The following ZNF704 variants were observed in gnomAD, a reference collection of about 807,000 sequenced individuals.
The protein encoded by ZNF704 is glucocorticoid induced gene 1.
In ZNF704, 10 loss-of-function variants were observed where a neutral mutation model predicts 44.7. The observed-to-expected ratio is 0.22, with a 90% CI of 0.14 to 0.38. The LOEUF (loss-of-function observed/expected upper bound fraction) is 0.38. Among genes scored for constraint, ZNF704 ranks in the 10% least tolerant of loss-of-function variants. ZNF704 has a pLI of 1.00. For synonymous variants in ZNF704, 211 were observed against 207.6 expected, an observed-to-expected ratio of 1.02 and a Z score of -0.14; for missense variants, 390 against 545.5, an observed-to-expected ratio of 0.71 and a Z score of 2.84.
intron 7 of ZNF704, among the ~76,000 whole-genome samples, chr8:80,655,472 T>C (rs951683804): frequency 6.6e-6 from 1 of 152,082 alleles, no homozygotes; most frequent in African/African-American, 2.4e-5. Context: ...CAATCCTAAA[T>C]AGGGAGGAGC....
intron 2 of ZNF704, among the ~76,000 whole-genome samples, 154 bp from the exon 3 acceptor site, chr8:80,693,261 G>A (rs1818670158): frequency 6.6e-6 from 1 of 152,186 alleles, no homozygotes; most frequent in African/African-American, 2.4e-5. Context: ...GGAAGCTGAA[G>A]CCCATGAAGT....
chr8:80,732,940 T>G (rs1585988303), intron 2 of ZNF704, among the ~76,000 whole-genome samples: 1 of 118,478 alleles, frequency 8.4e-6, no homozygotes, highest in Non-Finnish European at 1.6e-5. Flanking sequence ...GGTGACAGAG[T>G]GAGACCTTGC....
chr8:80,869,650 A>G (rs1809216892), intron 1 of ZNF704, among the ~76,000 whole-genome samples: 1 of 152,152 alleles, frequency 6.6e-6, no homozygotes, highest in African/African-American at 2.4e-5. Context: ...TCCTCCCTAA[A>G]TGACCCCTCA....
chr8:80,741,859 T>C (rs1431892105), intron 2 of ZNF704, among the ~76,000 whole-genome samples: 2 of 152,122 alleles, frequency 1.3e-5, no homozygotes, highest in African/African-American at 2.4e-5. Flanking sequence ...TCAGTGATAA[T>C]AGAATACTTG....
intron 2 of ZNF704, among the ~76,000 whole-genome samples, chr8:80,788,892 T>C (rs149970024): frequency 6.6e-6 from 1 of 152,324 alleles, no homozygotes; most frequent in Middle Eastern, 3.4e-3. Flanking sequence ...AAAACAACTA[T>C]GTACTAACCA....
chr8:80,848,807 A>G (rs963961295), intron 1 of ZNF704, among the ~76,000 whole-genome samples: 1 of 145,308 alleles, frequency 6.9e-6, no homozygotes, highest in Non-Finnish European at 1.5e-5. Context: ...AGAAAAGGTT[A>G]AAAAAAAAAG....
At chr8:80,871,846 T>C (rs1809257776) in intron 1 of ZNF704, among the ~76,000 whole-genome samples, 1 of 152,250 alleles carries the variant, frequency 6.6e-6, no homozygotes, top group South Asian at 2.1e-4. Flanking sequence ...ACATTCTGTG[T>C]AAATTTCTGA....
chr8:80,761,397 A>G (rs982719280), intron 2 of ZNF704, among the ~76,000 whole-genome samples: 37 of 152,222 alleles, frequency 2.4e-4, no homozygotes, highest in African/African-American at 8.4e-4. Context: ...AACTGGCACT[A>G]AAAATTCTAA....
At chr8:80,705,640 G>C (rs1818884712) in intron 2 of ZNF704, among the ~76,000 whole-genome samples, 1 of 152,056 alleles carries the variant, frequency 6.6e-6, no homozygotes, top group African/African-American at 2.4e-5. Flanking sequence ...GTGTGGGTCA[G>C]TGCTTCTGTG....
At chr8:80,666,414 G>T (rs1486025123) in intron 5 of ZNF704, among the ~76,000 whole-genome samples, 2 of 151,516 alleles carry the variant, frequency 1.3e-5, no homozygotes, top group African/African-American at 2.4e-5. Context: ...GAATAATGCC[G>T]CAATAAACAT....
intron 1 of ZNF704, among the ~76,000 whole-genome samples, chr8:80,867,601 G>A (rs1464512512): frequency 6.6e-6 from 1 of 152,092 alleles, no homozygotes; most frequent in East Asian, 1.9e-4. Flanking sequence ...AGCAGTCCAC[G>A]ATTCAATGAA....
Position 80,629,953 on chromosome 8 carries a change from A to G in ZNF704, c.*11413T>C, listed in dbSNP as rs1817557629. 1 of 152,184 alleles carries G rather than the reference A, an allele frequency of 6.6e-6. No individual in the cohort carries two copies. The highest frequency in any genetic ancestry group is 1.5e-5 in the Non-Finnish European group (1 of 68,032). The allele number at this position is 152,184 out of a possible 1,614,324, so 9.4% of individuals were successfully genotyped here. A position where few individuals can be genotyped will look rare whatever the true frequency, so the allele number is the denominator to read the frequency against. On this transcript the variant is annotated 3_prime_UTR_variant, in exon 9 of 9. Coordinates refer to ENST00000327835, the MANE Select transcript of ZNF704 (RefSeq NM_001033723.3). ...TTTATGCTTACGAAGTAACAAATAA[A>G]CCATTTCCCATTTATTCATCTTAAT...
intron 2 of ZNF704, among the ~76,000 whole-genome samples, chr8:80,716,932 C>T (rs571645798): frequency 1.1e-4 from 16 of 152,364 alleles, no homozygotes; most frequent in African/African-American, 3.6e-4. Context: ...TCACTGTCAG[C>T]TTCCTCTGTA....
At chr8:80,782,597 G>A (rs1318254146) in intron 2 of ZNF704, among the ~76,000 whole-genome samples, 1 of 152,132 alleles carries the variant, frequency 6.6e-6, no homozygotes, top group Non-Finnish European at 1.5e-5. Context: ...GGTTTTAAAA[G>A]GAACGTTAAT....
At chr8:80,831,870 C>T (rs930802848) in intron 1 of ZNF704, among the ~76,000 whole-genome samples, 2 of 152,154 alleles carry the variant, frequency 1.3e-5, no homozygotes, top group Admixed American at 6.5e-5. Flanking sequence ...AGATTAATTT[C>T]CCCCACATTA....
intron 2 of ZNF704, among the ~76,000 whole-genome samples, chr8:80,787,051 A>G (rs75690096): frequency 0.017 from 2,539 of 152,314 alleles, 74 homozygotes; most frequent in African/African-American, 0.058. Flanking sequence ...GCAGAGGTGG[A>G]TAGTATACAC....
rs77645694 is a variant in ZNF704, at chr8:80,677,311, A to T, written c.559-6708T>A. ...CAAGATTACTGTTCGTCCTTGCAAT[A>T]ATATGTCAAGCATTTGTTTTTTAAA... On this transcript the variant is annotated intron_variant, in intron 4 of 8. Transcript: ENST00000327835. Among the ~76,000 whole-genome samples the T allele has an allele frequency of 5.8e-3, 879 of 152,338 alleles. 9 individuals are homozygous for T. The highest frequency in any genetic ancestry group is 0.019 in the African/African-American group (809 of 41,568).
intron 2 of ZNF704, among the ~76,000 whole-genome samples, chr8:80,744,797 AC>A (rs1253386811): frequency 6.6e-6 from 1 of 152,176 alleles, no homozygotes; most frequent in Admixed American, 6.5e-5. Context: ...CCAATATTAA[AC>A]ATTCAAGTAG....
At chr8:80,833,997 C>T (rs1586062229) in intron 1 of ZNF704, among the ~76,000 whole-genome samples, 1 of 152,084 alleles carries the variant, frequency 6.6e-6, no homozygotes, top group South Asian at 2.1e-4. Context: ...GTCAGAGGTC[C>T]TATCTATCTT....
Sources: gnomAD v4.1 joint callset for allele counts (sites outside exome capture counted in the v4.1 genomes callset) on GRCh38, gnomAD v4.1.1 for gene constraint, MANE v1.5 for transcripts, NCBI Gene and HGNC (gene_info 2026-07-23, HGNC 2026-07-21) for gene names.